Variants in RORA observed in about 807,000 individuals in gnomAD.
RORA encodes RAR related orphan receptor A.
Under a neutral mutation model 69.5 loss-of-function variants are expected in RORA, and 7 were observed. That is an observed-to-expected ratio of 0.10 (90% confidence interval 0.06 to 0.19). The LOEUF is 0.19. RORA is among the 10% of genes least tolerant of loss of function. RORA has a pLI of 1.00. For synonymous variants in RORA, 261 were observed against 240.8 expected (o/e 1.08, Z -0.78); for missense variants, 457 against 663.0 (o/e 0.69, Z 3.41).
chr15:60,834,094 A>T (rs995646934), intron 1 of RORA, among the ~76,000 whole-genome samples: 3 of 152,218 alleles, frequency 2.0e-5, no homozygotes, highest in African/African-American at 7.2e-5. Flanking sequence ...AAATCTTTGT[A>T]CAATGGATGA....
rs533758595 is a variant in RORA at position 60,939,513 on chromosome 15, G to A, written c.167-260827C>T. On this transcript the variant is annotated intron_variant, in intron 1 of 10. Coordinates refer to ENST00000335670, the MANE Select transcript of RORA (RefSeq NM_134261.3). Reference sequence around the variant, plus strand: ...TGATAATCAATCCAGTTGCCATAGCGGCCTTAAGTGTTCATTTACCACTAT... The same window carrying A: ...TGATAATCAATCCAGTTGCCATAGCAGCCTTAAGTGTTCATTTACCACTAT... Among the ~76,000 whole-genome samples, 35 of 152,302 alleles carry A rather than the reference G, an allele frequency of 2.3e-4. 1 individual carries two copies. The East Asian group carries it at 6.2e-3, about 27-fold the overall frequency.
At chr15:60,506,053 T>G (rs2065490309) in intron 5 of RORA, among the ~76,000 whole-genome samples, 1 of 152,234 alleles carries the variant, frequency 6.6e-6, no homozygotes, top group South Asian at 2.1e-4. Context: ...TGATATTCTT[T>G]TATGGTGACA....
intron 1 of RORA, among the ~76,000 whole-genome samples, chr15:60,985,580 C>T (rs117848082): frequency 0.24 from 21,002 of 86,286 alleles, 2,175 homozygotes; most frequent in Middle Eastern, 0.39. Flanking sequence ...GAAACTCATC[C>T]TCTTTTTTTT....
chr15:60,701,709 C>T (rs76341438), intron 1 of RORA, among the ~76,000 whole-genome samples: 15 of 152,260 alleles, frequency 9.9e-5, no homozygotes, highest in African/African-American at 2.4e-4. Flanking sequence ...CTTGTCCTTG[C>T]GGGCCCATGC....
At chr15:60,653,197 C>A (rs2070170075) in intron 2 of RORA, among the ~76,000 whole-genome samples, 1 of 152,146 alleles carries the variant, frequency 6.6e-6, no homozygotes, top group Non-Finnish European at 1.5e-5. Flanking sequence ...GGGCAAAGCC[C>A]AAACCCTTAT....
chr15:60,763,716 G>A (rs2071935473), intron 1 of RORA, among the ~76,000 whole-genome samples: 1 of 152,150 alleles, frequency 6.6e-6, no homozygotes, highest in Non-Finnish European at 1.5e-5. Flanking sequence ...CATAGACTAC[G>A]CTGACTGGCC....
Position 61,017,391 on chromosome 15 carries a change from G to A in RORA, c.166+211662C>T, listed in dbSNP as rs1023027210. 7.9e-5 allele frequency among the ~76,000 whole-genome samples: 12 copies of A among 152,296 alleles called. No individual in the cohort carries two copies. The South Asian group carries it at 2.5e-3, about 32-fold the overall frequency. The stretch of plus-strand genomic sequence containing the variant: ...ATGCAATGTTATCTTTAATGCAGAT[G>A]TAGCAGAAAGTATTAAGATATGCTG... On this transcript the variant is annotated intron_variant, in intron 1 of 10. Transcript: ENST00000335670.
intron 1 of RORA, among the ~76,000 whole-genome samples, chr15:61,109,639 C>T (rs1308829699): frequency 6.6e-6 from 1 of 152,200 alleles, no homozygotes; most frequent in Non-Finnish European, 1.5e-5. Context: ...AAACTACAAA[C>T]CTAAAAAGAA....
chr15:60,613,900 C>T (rs566603994), intron 2 of RORA, among the ~76,000 whole-genome samples: 56 of 151,196 alleles, frequency 3.7e-4, no homozygotes, highest in African/African-American at 1.4e-3. Context: ...CCTCAGTAGC[C>T]TTTCTTTCAG....
At chr15:60,562,825 C>T (rs961757362) in intron 2 of RORA, among the ~76,000 whole-genome samples, 20 of 152,230 alleles carry the variant, frequency 1.3e-4, no homozygotes, top group African/African-American at 4.8e-4. Flanking sequence ...AATTGTCCTG[C>T]CTCAGACTCC....
At position 61,226,875 on chromosome 15, in the gene RORA, G is replaced by C. The variant is rs1360144475; in HGVS notation, c.166+2178C>G. Among the ~76,000 whole-genome samples, 1 of 152,106 alleles carries C rather than the reference G, an allele frequency of 6.6e-6. No individual in the cohort carries two copies. The highest frequency in any genetic ancestry group is 1.5e-5 in the Non-Finnish European group (1 of 68,010). ...GCTGGTTCAAAGAATGAGTTGGGGT[G>C]GGGGCAGAGGGTGGGGGGAAGGGGA... On this transcript the variant is annotated intron_variant, in intron 1 of 10. Coordinates refer to ENST00000335670, the MANE Select transcript of RORA (RefSeq NM_134261.3). The surrounding 1 kb of genome is among the most constrained non-coding windows in gnomAD (Gnocchi z 4.2).
intron 1 of RORA, among the ~76,000 whole-genome samples, chr15:60,859,027 C>A (rs1268258131): frequency 2.0e-5 from 3 of 146,456 alleles, no homozygotes; most frequent in African/African-American, 5.0e-5. Flanking sequence ...TGGGCAATTT[C>A]TTAGGTGTCT....
intron 1 of RORA, among the ~76,000 whole-genome samples, chr15:61,068,451 G>A (rs1445992730): frequency 1.3e-5 from 2 of 152,132 alleles, no homozygotes; most frequent in African/African-American, 4.8e-5. Context: ...TTTGATGGAA[G>A]GAAATAGCTG....
At chr15:60,763,291 A>T (rs1286903349) in intron 1 of RORA, among the ~76,000 whole-genome samples, 1 of 152,036 alleles carries the variant, frequency 6.6e-6, no homozygotes, top group East Asian at 1.9e-4. Flanking sequence ...GAGTTGAACA[A>T]ATATGATTTA....
chr15:60,807,807 CA>C (rs1168649604), intron 1 of RORA, among the ~76,000 whole-genome samples: 1 of 152,142 alleles, frequency 6.6e-6, no homozygotes, highest in Non-Finnish European at 1.5e-5. Flanking sequence ...ACAAAGCAAA[CA>C]AAAGCAGAAA....
At chr15:61,205,303 C>T (rs939744269) in intron 1 of RORA, among the ~76,000 whole-genome samples, 4 of 152,134 alleles carry the variant, frequency 2.6e-5, no homozygotes, top group South Asian at 2.1e-4. Context: ...GTAGAGCTGG[C>T]GAGGGTGGGG....
chr15:60,750,621 G>C (rs919583757), intron 1 of RORA, among the ~76,000 whole-genome samples: 4 of 152,154 alleles, frequency 2.6e-5, no homozygotes, highest in African/African-American at 9.7e-5. Context: ...CTTTCAAGGA[G>C]AGAGGACATC....
chr15:61,200,049 A>T (rs948471487), intron 1 of RORA, among the ~76,000 whole-genome samples: 1 of 152,180 alleles, frequency 6.6e-6, no homozygotes, highest in Non-Finnish European at 1.5e-5. Flanking sequence ...ATGGGTCCTG[A>T]CCTTGGTCAA....
chr15:60,792,165 A>G (rs75411089), intron 1 of RORA, among the ~76,000 whole-genome samples: 1 of 152,152 alleles, frequency 6.6e-6, no homozygotes, highest in East Asian at 1.9e-4. Context: ...ATGAAAAAAA[A>G]TACTACTGTA....
Sources: gnomAD v4.1 joint callset for allele counts (sites outside exome capture counted in the v4.1 genomes callset) on GRCh38, gnomAD v4.1.1 for gene constraint, Gnocchi (gnomAD v3.1) non-coding constraint, MANE v1.5 for transcripts, NCBI Gene and HGNC (gene_info 2026-07-23, HGNC 2026-07-21) for gene names.